Variants in ASTN1 observed in about 807,000 individuals in gnomAD.
ASTN1 encodes the protein astrotactin-1.
Under a neutral mutation model 140.7 loss-of-function variants are expected in ASTN1, and 41 were observed. The observed-to-expected ratio is 0.29, with a 90% confidence interval of 0.23 to 0.38. The LOEUF is 0.38. Ranked by LOEUF, ASTN1 falls within the 10% of genes least tolerant of loss-of-function variation. ASTN1 has a pLI of 1.00. For missense variants in ASTN1, 1,479 were observed against 1,678.8 expected (o/e 0.88, Z 2.08); for synonymous variants, 640 against 652.2 (o/e 0.98, Z 0.29).
chr1:176,916,201 T>C (rs1670472698), intron 16 of ASTN1, among the ~76,000 whole-genome samples: 1 of 152,176 alleles, frequency 6.6e-6, no homozygotes. Context: ...TGCTTCTCCT[T>C]GGGGTCATGG....
intron 18 of ASTN1, among the ~76,000 whole-genome samples, chr1:176,885,797 G>T (rs1669010240): frequency 6.6e-6 from 1 of 152,186 alleles, no homozygotes; most frequent in Admixed American, 6.6e-5. Flanking sequence ...GTGAGCAATA[G>T]AAGCATATAA....
At chr1:177,072,092 C>T (rs1015290455) in intron 1 of ASTN1, among the ~76,000 whole-genome samples, 2 of 152,170 alleles carry the variant, frequency 1.3e-5, no homozygotes, top group Non-Finnish European at 2.9e-5. Context: ...TGACTCCTGG[C>T]ACAGTGCTCT....
chr1:177,150,609 G>A lies in ASTN1; in HGVS notation c.283+13785C>T, dbSNP rs552486829. 2.4e-4 allele frequency among the ~76,000 whole-genome samples: 36 copies of A among 152,184 alleles called. No homozygotes were observed. The South Asian group carries it at 4.1e-3, about 18-fold the overall frequency. On this transcript the variant is annotated intron_variant, in intron 1 of 22. Transcript: ENST00000361833. The stretch of plus-strand genomic sequence containing the variant: ...CAGAGTGAAAGAGTATGAGAAAGCT[G>A]GAAAGAAGAATTTGTGGTTCGAGTA...
At chr1:176,907,837 C>T (rs537615976) in intron 16 of ASTN1, among the ~76,000 whole-genome samples, 1 of 152,326 alleles carries the variant, frequency 6.6e-6, no homozygotes, top group African/African-American at 2.4e-5. Flanking sequence ...AGTATCAACT[C>T]ATCCCATTCC....
intron 1 of ASTN1, among the ~76,000 whole-genome samples, chr1:177,070,057 TA>T (rs1214679123): frequency 3.3e-5 from 5 of 152,324 alleles, no homozygotes; most frequent in African/African-American, 9.6e-5. Context: ...TTAAACTCCA[TA>T]ATGTTAAAAT....
Position 177,101,428 on chromosome 1 carries a change from T to C in ASTN1, c.284-40163A>G, listed in dbSNP as rs573287570. Among the ~76,000 whole-genome samples, 5 of 152,300 alleles carry C rather than the reference T, an allele frequency of 3.3e-5. No homozygotes were observed. In the East Asian group the frequency reaches 7.7e-4, roughly 24 times the overall value. On this transcript the variant is annotated intron_variant, in intron 1 of 22. Transcript: ENST00000361833. ...CATGAACAAAATTTCATGAAGTCCA[T>C]ACTGTTGAGTAAAAGAAACCATGCC...
intron 1 of ASTN1, among the ~76,000 whole-genome samples, chr1:177,088,243 G>C (rs1039951009): frequency 6.6e-6 from 1 of 152,176 alleles, no homozygotes; most frequent in Non-Finnish European, 1.5e-5. Context: ...CTTACACGTG[G>C]GGATGCTTGC....
At chr1:176,909,521 G>A (rs1329501756) in intron 16 of ASTN1, among the ~76,000 whole-genome samples, 2 of 152,136 alleles carry the variant, frequency 1.3e-5, no homozygotes, top group East Asian at 3.9e-4. Flanking sequence ...CTGAGCTTTA[G>A]CTCCTTCAAA....
intron 12 of ASTN1, among the ~76,000 whole-genome samples, chr1:176,948,430 T>C (rs573328812): frequency 3.3e-5 from 5 of 152,326 alleles, no homozygotes; most frequent in African/African-American, 1.2e-4. Flanking sequence ...GTCAGCAGTA[T>C]AAATTTAAAT....
At chr1:177,030,351 T>C (rs112129614) in intron 4 of ASTN1, among the ~76,000 whole-genome samples, 13 of 152,194 alleles carry the variant, frequency 8.5e-5, no homozygotes, top group Non-Finnish European at 1.8e-4. Context: ...TCTTCTATTT[T>C]ATAACTTCAT....
In ASTN1 at chr1:176,949,210, A is replaced by G. The variant is rs779850247; in HGVS notation, c.2029T>C (p.Leu677=). Residue 677 remains leucine, a synonymous_variant, in exon 12 of 23, where the codon TTG becomes CTG. Transcript: ENST00000361833. ...QMAPFPDDPT[L]YNILMFCGCI... is the part of the protein sequence containing the mutation. ...CCACAGAACATGAGGATGTTATACAAGGTGGGGTCGTCCGGGAAGGGCGCC... is the reference window on the plus strand; with the variant it reads ...CCACAGAACATGAGGATGTTATACAGGGTGGGGTCGTCCGGGAAGGGCGCC... 2 of 1,614,026 alleles carry G rather than the reference A, an allele frequency of 1.2e-6. No homozygotes were observed. Among genetic ancestry groups the G allele is most frequent in the Non-Finnish European group, 1.7e-6 (2 of 1,180,018 alleles).
intron 1 of ASTN1, among the ~76,000 whole-genome samples, chr1:177,093,719 C>T (rs1444056168): frequency 2.0e-5 from 3 of 152,136 alleles, no homozygotes; most frequent in African/African-American, 7.2e-5. Flanking sequence ...AAAAATGACA[C>T]AGTGTGCACA....
intron 21 of ASTN1, among the ~76,000 whole-genome samples, chr1:176,872,533 A>G (rs921969740): frequency 2.6e-4 from 39 of 152,310 alleles, no homozygotes; most frequent in African/African-American, 9.1e-4. Context: ...GGATTTGCCA[A>G]TGGGTTGGAT....
At position 176,916,893 on chromosome 1, in the gene ASTN1, G is replaced by A. The variant is rs992302139; in HGVS notation, c.2671+17259C>T. ...TGGCAGGCTGGCCCTTTGAACCTCT[G>A]CCTCCCCGCCCCGCCCACAACCAGC... On this transcript the variant is annotated intron_variant, in intron 16 of 22. Coordinates refer to ENST00000361833, the MANE Select transcript of ASTN1 (RefSeq NM_004319.3). Among the ~76,000 whole-genome samples the A allele has an allele frequency of 4.3e-4, 66 of 152,208 alleles. 1 individual carries two copies. Among genetic ancestry groups the A allele is most frequent in the African/African-American group, 1.5e-3 (63 of 41,556 alleles).
At chr1:177,027,936 A>G (rs903355589) in intron 5 of ASTN1, among the ~76,000 whole-genome samples, 3 of 152,034 alleles carry the variant, frequency 2.0e-5, no homozygotes, top group Admixed American at 6.6e-5. Flanking sequence ...TCTACCACCT[A>G]TCACAAACCT....
At position 177,014,899 on chromosome 1, in the gene ASTN1, G is replaced by A. The variant is rs762075393; in HGVS notation, c.1439-24C>T. The stretch of plus-strand genomic sequence containing the variant: ...CCCTTAGAAGCAGGGTAAGGAGGAA[G>A]AAAGAGAAACATGAAGGAATTGATT... On this transcript the variant is annotated intron_variant, in intron 7 of 22. Transcript: ENST00000361833. The A allele has an allele frequency of 3.8e-6, 6 of 1,583,180 alleles. No individual in the cohort carries two copies. In the African/African-American group the frequency reaches 8.1e-5, roughly 21 times the overall value.
intron 2 of ASTN1, among the ~76,000 whole-genome samples, chr1:177,040,817 G>C (rs1024320071): frequency 6.6e-6 from 1 of 152,146 alleles, no homozygotes; most frequent in Non-Finnish European, 1.5e-5. Context: ...TAGGAGTTTC[G>C]TCTAATGAGA....
At chr1:177,022,957 G>A (rs1329977036) in intron 7 of ASTN1, among the ~76,000 whole-genome samples, 1 of 152,152 alleles carries the variant, frequency 6.6e-6, no homozygotes. Flanking sequence ...GCATAGTAAA[G>A]AGACTGGAAG....
At chr1:176,977,600 T>C (rs1673420370) in intron 8 of ASTN1, among the ~76,000 whole-genome samples, 1 of 152,248 alleles carries the variant, frequency 6.6e-6, no homozygotes, top group Admixed American at 6.5e-5. Flanking sequence ...ATTGAACAAG[T>C]AAAAGCTATT....
Sources: allele counts gnomAD v4.1 joint callset (sites outside exome capture counted in the v4.1 genomes callset), GRCh38; gene constraint gnomAD v4.1.1; transcripts MANE v1.5; gene names NCBI Gene and HGNC (gene_info 2026-07-23, HGNC 2026-07-21).